HEYL: variants seen among roughly 807,000 people sequenced by gnomAD.
The protein encoded by HEYL is hes related family bHLH transcription factor with YRPW motif like, also known as hairy/enhancer-of-split related with YRPW motif-like protein.
HEYL carries 12 observed loss-of-function variants against 18.6 expected under a neutral mutation model. The ratio of observed to expected loss-of-function variants is 0.65; its 90% confidence interval spans 0.41 to 1.05. The LOEUF (loss-of-function observed/expected upper bound fraction) is 1.05, where lower values mean the gene tolerates loss of function less well. HEYL is among the 50% of genes least tolerant of loss of function. The pLI is 0.00. For missense variants in HEYL, 420 were observed against 444.7 expected (o/e 0.94, Z 0.50); for synonymous variants, 159 against 179.6 (o/e 0.89, Z 0.91).
chr1:39,632,613 T>C (rs767375187), intron 2 of HEYL, 36 bp downstream of exon 2: 19 of 1,583,212 alleles, frequency 1.2e-5, no homozygotes, highest in South Asian at 2.2e-5. Flanking sequence ...TGGCAACCCT[T>C]TGTTGGTCAA....
At chr1:39,638,763 C>T (rs1646372377) in intron 1 of HEYL, among the ~76,000 whole-genome samples, 1 of 152,212 alleles carries the variant, frequency 6.6e-6, no homozygotes, top group Non-Finnish European at 1.5e-5. Context: ...CCTTGACATA[C>T]TTTGCCTCAT....
chr1:39,630,206 G>A (rs368511061), intron 4 of HEYL, 21 bp downstream of exon 4: 28 of 1,605,986 alleles, frequency 1.7e-5, no homozygotes, highest in Non-Finnish European at 2.0e-5. Context: ...AATGACGCCT[G>A]AAAGAGAAGA....
At chr1:39,632,938 G>GCT in intron 1 of HEYL, 1 of 984,666 alleles carries the variant, frequency 1.0e-6, no homozygotes, top group Admixed American at 6.1e-5. Context: ...TTCGCCCCTC[G>GCT]CTCCTCGCTC....
intron 1 of HEYL, 149 bp from the exon 2 acceptor site, chr1:39,632,864 CAA>C: frequency 6.7e-7 from 1 of 1,496,684 alleles, no homozygotes; most frequent in South Asian, 1.3e-5. Flanking sequence ...CAACCCGGGT[CAA>C]GTCCTCTCAT....
At position 39,627,057 on chromosome 1, in the gene HEYL, C is replaced by A. The variant is rs367972512; in HGVS notation, c.437G>T (p.Arg146Leu). ...GTTGAGGTGGGAGAGAAGGCGAATCCGGACGGGGTCTGCACGGCTGCTGGG... is the reference window on the plus strand; with the variant it reads ...GTTGAGGTGGGAGAGAAGGCGAATCAGGACGGGGTCTGCACGGCTGCTGGG... Reference protein sequence around the residue: ...EGPSSRADPVRIRLLSHLNSY... With the variant: ...EGPSSRADPVLIRLLSHLNSY... Residue 146 changes from arginine to leucine, a missense_variant, in exon 5 of 5, where the codon CGG becomes CTG. Transcript: ENST00000372852. 1.2e-6 allele frequency: 2 copies of A among 1,614,178 alleles called. No homozygotes were observed.
chr1:39,627,177 A>T lies in HEYL; in HGVS notation c.317T>A (p.Phe106Tyr), dbSNP rs1454327033. Residue 106 changes from phenylalanine to tyrosine, a missense_variant, in exon 5 of 5, where the codon TTC becomes TAC. Coordinates refer to ENST00000372852, the MANE Select transcript of HEYL (RefSeq NM_014571.4). ...KMLHATGGTG[F>Y]FDARALAVDF... is the part of the protein sequence containing the mutation. ...AACTGCCAGGGCTCGGGCATCAAAGAATCCTGCAAAGGGAGGCGTGATGAA... is the reference window on the plus strand; with the variant it reads ...AACTGCCAGGGCTCGGGCATCAAAGTATCCTGCAAAGGGAGGCGTGATGAA... The T allele has an allele frequency of 6.2e-7, 1 of 1,610,176 alleles. No individual in the cohort carries two copies. The highest frequency in any genetic ancestry group is 2.2e-5 in the East Asian group (1 of 44,808).
chr1:39,628,949 A>G (rs1268363317), intron 4 of HEYL, among the ~76,000 whole-genome samples: 2 of 152,166 alleles, frequency 1.3e-5, no homozygotes, highest in Non-Finnish European at 2.9e-5. Flanking sequence ...GCATTTCATC[A>G]AGTTATCTAA....
In HEYL at chr1:39,631,884, C is replaced by T. The variant is rs560758630; in HGVS notation, c.148-305G>A. 7.9e-5 allele frequency among the ~76,000 whole-genome samples: 12 copies of T among 152,340 alleles called. No individual in the cohort carries two copies. The South Asian group carries it at 8.3e-4, about 11-fold the overall frequency. ...CCAATCACAATGAGGACACCAGCCA[C>T]GGTGCTGGAGCAGGCCCTGGAGGCC... On this transcript the variant is annotated intron_variant, in intron 2 of 4. Transcript: ENST00000372852.
intron 4 of HEYL, among the ~76,000 whole-genome samples, chr1:39,628,043 C>G (rs1003712552): frequency 6.6e-6 from 1 of 152,140 alleles, no homozygotes; most frequent in African/African-American, 2.4e-5. Flanking sequence ...CTCTCCATAC[C>G]TGTTCCTCTC....
chr1:39,638,727 G>A (rs1171701964), intron 1 of HEYL, among the ~76,000 whole-genome samples: 2 of 152,196 alleles, frequency 1.3e-5, no homozygotes, highest in African/African-American at 4.8e-5. Context: ...CACATGGTGT[G>A]TACCTAGGCA....
intron 4 of HEYL, among the ~76,000 whole-genome samples, chr1:39,628,081 C>G (rs959468922): frequency 2.0e-5 from 3 of 152,208 alleles, no homozygotes; most frequent in Admixed American, 6.5e-5. Context: ...AAAGACACAA[C>G]AACCCCAGCC....
intron 1 of HEYL, among the ~76,000 whole-genome samples, chr1:39,634,609 A>G (rs1277081351): frequency 6.6e-6 from 1 of 152,040 alleles, no homozygotes; most frequent in Non-Finnish European, 1.5e-5. Flanking sequence ...AACTTCTACA[A>G]CCCATCAGAT....
chr1:39,638,456 AAAAG>A (rs888679931), intron 1 of HEYL, among the ~76,000 whole-genome samples: 3 of 152,188 alleles, frequency 2.0e-5, no homozygotes, highest in African/African-American at 4.8e-5. Context: ...GACCATGTCA[AAAAG>A]AAAGAAAGAA....
chr1:39,637,604 G>GCAT (rs1341818113), intron 1 of HEYL, among the ~76,000 whole-genome samples: 1 of 152,168 alleles, frequency 6.6e-6, no homozygotes, highest in East Asian at 1.9e-4. Context: ...CTACAAAGGG[G>GCAT]CATCTATAAG....
intron 4 of HEYL, 63 bp from the exon 5 acceptor site, chr1:39,627,243 G>T: frequency 1.4e-6 from 2 of 1,460,080 alleles, no homozygotes; most frequent in South Asian, 2.6e-5. Flanking sequence ...GCCTGGGTCT[G>T]ACTGTCTGAG....
Position 39,632,709 on chromosome 1 carries a change from C to T in HEYL, c.87G>A (p.Met29Ile). 1 of 1,614,024 alleles carries T rather than the reference C, an allele frequency of 6.2e-7. No individual in the cohort carries two copies. Among genetic ancestry groups the T allele is most frequent in the Non-Finnish European group, 8.5e-7 (1 of 1,179,940 alleles). Reference sequence around the variant, plus strand: ...AGCTGGGGGTGGACAGCGGCCTGGCCATCTGGCTGGAAAGGAAAAGAAAAG... The same window carrying T: ...AGCTGGGGGTGGACAGCGGCCTGGCTATCTGGCTGGAAAGGAAAAGAAAAG... The part of the protein sequence containing the change: ...DVGQEGQLSQ[M>I]ARPLSTPSSS... Residue 29 changes from methionine to isoleucine, a missense_variant, in exon 2 of 5, where the codon ATG becomes ATA. Coordinates refer to ENST00000372852, the MANE Select transcript of HEYL (RefSeq NM_014571.4).
rs191371215 is a variant in HEYL, at chr1:39,626,491, G to A, written c.*16C>T. ...AACCTTCCTTATTCCTTGGGGCGGG[G>A]TGGTGAAGGGGCAGCTCAGAAAGCC... On this transcript the variant is annotated 3_prime_UTR_variant, in exon 5 of 5. Coordinates refer to ENST00000372852, the MANE Select transcript of HEYL (RefSeq NM_014571.4). 70 of 1,497,920 alleles carry A rather than the reference G, an allele frequency of 4.7e-5. No individual in the cohort carries two copies. The Admixed American group carries it at 1.3e-3, about 27-fold the overall frequency. 92.8% of individuals were successfully genotyped at this position (1,497,920 alleles called of 1,614,324 possible). A position where few individuals can be genotyped will look rare whatever the true frequency, so the allele number is the denominator to read the frequency against.
chr1:39,639,330 A>G (rs1007386468), intron 1 of HEYL, among the ~76,000 whole-genome samples: 4 of 152,038 alleles, frequency 2.6e-5, no homozygotes, highest in African/African-American at 9.7e-5. Context: ...CAGCATCCCC[A>G]GCCCTGCACG....
chr1:39,629,253 T>C (rs1646319082), intron 4 of HEYL, among the ~76,000 whole-genome samples: 1 of 152,242 alleles, frequency 6.6e-6, no homozygotes, highest in African/African-American at 2.4e-5. Context: ...CTACTTTTCT[T>C]TTCACTGGAT....
Sources: gnomAD v4.1 joint callset for allele counts (sites outside exome capture counted in the v4.1 genomes callset) on GRCh38, gnomAD v4.1.1 for gene constraint, MANE v1.5 for transcripts, NCBI Gene and HGNC (gene_info 2026-07-23, HGNC 2026-07-21) for gene names.